The following RAB3C variants were observed in gnomAD, a reference collection of about 807,000 sequenced individuals.
The protein encoded by RAB3C is ras-related protein Rab-3C.
A neutral mutation model predicts 26.4 loss-of-function variants in RAB3C; 17 were observed. The observed-to-expected ratio is 0.64, with a 90% CI of 0.44 to 0.97. The LOEUF (loss-of-function observed/expected upper bound fraction) is 0.97, where lower values mean the gene tolerates loss of function less well. Ranked by LOEUF, RAB3C falls within the 50% of genes least tolerant of loss-of-function variation. RAB3C has a pLI of 0.00. For synonymous variants in RAB3C, 91 were observed against 95.9 expected (o/e 0.95, Z 0.30); for missense variants, 242 against 281.9 (o/e 0.86, Z 1.01).
intron 4 of RAB3C, among the ~76,000 whole-genome samples, chr5:58,831,382 A>T (rs1282718087): frequency 6.6e-6 from 1 of 152,214 alleles, no homozygotes; most frequent in Non-Finnish European, 1.5e-5. Flanking sequence ...ACTCAAATTC[A>T]TAATTTCTCT....
chr5:58,628,174 A>C (rs969434514), intron 2 of RAB3C, among the ~76,000 whole-genome samples: 3 of 151,390 alleles, frequency 2.0e-5, no homozygotes, highest in African/African-American at 7.3e-5. Context: ...AAAAAAAAAA[A>C]AAAACAGTTT....
intron 2 of RAB3C, among the ~76,000 whole-genome samples, chr5:58,661,080 AT>A (rs1747895946): frequency 6.7e-6 from 1 of 150,126 alleles, no homozygotes; most frequent in Admixed American, 6.6e-5. Flanking sequence ...TTCATCTCTT[AT>A]TTTAAGGTCC....
Position 58,693,363 on chromosome 5 carries a change from A to T in RAB3C, c.253-32639A>T, listed in dbSNP as rs890523791. Among the ~76,000 whole-genome samples, 280 of 93,672 alleles carry T rather than the reference A, an allele frequency of 3.0e-3. 4 individuals carry two copies. The East Asian group carries it at 0.053, about 18-fold the overall frequency. 61.5% of individuals were successfully genotyped at this position (93,672 alleles called of 152,430 possible). A position where few individuals can be genotyped will look rare whatever the true frequency, so the allele number is the denominator to read the frequency against. On this transcript the variant is annotated intron_variant, in intron 2 of 4. Transcript: ENST00000282878. ...ATATATATATATATATATATATATA[A>T]AATTTCTTAAAACCTTGCAATTCAC...
intron 3 of RAB3C, among the ~76,000 whole-genome samples, chr5:58,797,352 AAATATGTATATATATAATAT>A (rs562551151): frequency 0.017 from 1,002 of 58,186 alleles, 37 homozygotes; most frequent in Admixed American, 0.066. Flanking sequence ...AAAAAAAAAA[AAATATGTATATATATAATAT>A]ATATATATAT....
intron 3 of RAB3C, among the ~76,000 whole-genome samples, chr5:58,795,394 C>T (rs1742619976): frequency 6.6e-6 from 1 of 152,134 alleles, no homozygotes; most frequent in Non-Finnish European, 1.5e-5. Context: ...GAAGGAAGTC[C>T]TCACCCTGTT....
intron 3 of RAB3C, 56 bp downstream of exon 3, chr5:58,726,176 G>A (rs749059414): frequency 1.1e-6 from 1 of 894,534 alleles, no homozygotes; most frequent in Non-Finnish European, 1.8e-6. Flanking sequence ...GGTCAACTCT[G>A]TCTTTCTTCC....
chr5:58,849,244 C>A (rs1039411608), intron 4 of RAB3C, among the ~76,000 whole-genome samples: 1 of 152,164 alleles, frequency 6.6e-6, no homozygotes, highest in African/African-American at 2.4e-5. Context: ...GTAAATGAGA[C>A]CTTTGTACCA....
intron 3 of RAB3C, among the ~76,000 whole-genome samples, chr5:58,783,357 C>T (rs1742310182): frequency 6.6e-6 from 1 of 152,072 alleles, no homozygotes; most frequent in African/African-American, 2.4e-5. Context: ...TTCAATCATT[C>T]AAAATAATGA....
intron 1 of RAB3C, among the ~76,000 whole-genome samples, chr5:58,601,584 T>C (rs11949979): frequency 0.079 from 12,062 of 152,134 alleles, 687 homozygotes; most frequent in Admixed American, 0.14. Context: ...GGGTTGTATT[T>C]TTTCCAGGAA....
intron 3 of RAB3C, among the ~76,000 whole-genome samples, chr5:58,812,014 C>T (rs1193394836): frequency 5.9e-5 from 9 of 152,020 alleles, no homozygotes; most frequent in Admixed American, 4.6e-4. Context: ...TTTTTTAATC[C>T]TTGAAGGCTA....
intron 1 of RAB3C, among the ~76,000 whole-genome samples, chr5:58,584,276 A>G (rs1224637435): frequency 6.6e-6 from 1 of 152,160 alleles, no homozygotes; most frequent in African/African-American, 2.4e-5. Context: ...TTTACTTTTA[A>G]TTTATTTTAT....
At chr5:58,651,287 T>G (rs1747643605) in intron 2 of RAB3C, among the ~76,000 whole-genome samples, 1 of 152,290 alleles carries the variant, frequency 6.6e-6, no homozygotes, top group South Asian at 2.1e-4. Flanking sequence ...AGTGTATTTT[T>G]CTAGCTTCCT....
At chr5:58,592,295 A>G (rs1195797031) in intron 1 of RAB3C, among the ~76,000 whole-genome samples, 2 of 152,160 alleles carry the variant, frequency 1.3e-5, no homozygotes, top group Non-Finnish European at 2.9e-5. Flanking sequence ...CAGTCTACTT[A>G]GAGTTAATAT....
chr5:58,694,205 A>G (rs1748642128), intron 2 of RAB3C, among the ~76,000 whole-genome samples: 1 of 151,936 alleles, frequency 6.6e-6, no homozygotes, highest in Non-Finnish European at 1.5e-5. Context: ...TGTCCTTGTG[A>G]TAGTTTGCTG....
chr5:58,797,417 A>C, intron 3 of RAB3C, among the ~76,000 whole-genome samples: 1 of 146,858 alleles, frequency 6.8e-6, no homozygotes. Context: ...AGAGAGAGAA[A>C]TTTAAAAATT....
At chr5:58,809,241 A>G (rs1357295355) in intron 3 of RAB3C, among the ~76,000 whole-genome samples, 2 of 152,326 alleles carry the variant, frequency 1.3e-5, no homozygotes, top group Non-Finnish European at 2.9e-5. Flanking sequence ...AAATAGAAGG[A>G]CATCCTGGAG....
chr5:58,831,680 T>C (rs935388263), intron 4 of RAB3C, among the ~76,000 whole-genome samples: 2 of 152,186 alleles, frequency 1.3e-5, no homozygotes, highest in Admixed American at 1.3e-4. Context: ...TTTGTTACAT[T>C]GAGACTGCTG....
intron 1 of RAB3C, among the ~76,000 whole-genome samples, chr5:58,587,365 C>CA (rs1030554791): frequency 4.6e-5 from 7 of 151,926 alleles, no homozygotes; most frequent in Admixed American, 3.9e-4. Context: ...TGGGCCACCT[C>CA]AAAAAAATGT....
intron 2 of RAB3C, among the ~76,000 whole-genome samples, chr5:58,709,295 A>G (rs1749010661): frequency 1.3e-5 from 2 of 152,204 alleles, no homozygotes; most frequent in South Asian, 4.1e-4. Context: ...AGCAGCACCC[A>G]AAGTGACAGT....
Sources: gnomAD v4.1 joint callset for allele counts (sites outside exome capture counted in the v4.1 genomes callset) on GRCh38, gnomAD v4.1.1 for gene constraint, MANE v1.5 for transcripts, NCBI Gene and HGNC (gene_info 2026-07-23, HGNC 2026-07-21) for gene names.